SORL1: variants seen among roughly 807,000 people sequenced by gnomAD.
The protein encoded by SORL1 is sortilin related receptor 1.
Under a neutral mutation model 273.7 loss-of-function variants are expected in SORL1, and 127 were observed. The observed-to-expected ratio is 0.46, with a 90% CI of 0.40 to 0.54. The LOEUF (loss-of-function observed/expected upper bound fraction) is 0.54, where lower values mean the gene tolerates loss of function less well. Among genes scored for constraint, SORL1 ranks in the 20% least tolerant of loss-of-function variants. The pLI is 0.00. For missense variants in SORL1, 2,494 were observed against 2,846.1 expected (o/e 0.88, Z 2.81); for synonymous variants, 1,031 against 1,067.4 (o/e 0.97, Z 0.66).
At chr11:121,509,008 A>G (rs966393269) in intron 6 of SORL1, among the ~76,000 whole-genome samples, 3 of 152,164 alleles carry the variant, frequency 2.0e-5, no homozygotes, top group Non-Finnish European at 4.4e-5. Flanking sequence ...ACCAACTTCA[A>G]TATTACTTAC....
chr11:121,550,778 C>T lies in SORL1; in HGVS notation c.2266+108C>T. The stretch of plus-strand genomic sequence containing the variant: ...GCTCCTTTAATTGAGTGGAGAAAAA[C>T]AATGGCCGTCACAAGCATCACAGGG... On this transcript the variant is annotated intron_variant, in intron 16 of 47. Coordinates refer to ENST00000260197, the MANE Select transcript of SORL1 (RefSeq NM_003105.6). The surrounding 1 kb of genome is among the most constrained non-coding windows in gnomAD (Gnocchi z 5.3). 1.3e-6 allele frequency: 1 copy of T among 793,958 alleles called. No homozygotes were observed. The highest frequency in any genetic ancestry group is 2.0e-6 in the Non-Finnish European group (1 of 498,210). 49.2% of individuals were successfully genotyped at this position (793,958 alleles called of 1,614,324 possible). A position where few individuals can be genotyped will look rare whatever the true frequency, so the allele number is the denominator to read the frequency against.
chr11:121,522,838 C>A (rs773232170), intron 10 of SORL1, 78 bp from the exon 11 acceptor site: 51 of 1,400,840 alleles, frequency 3.6e-5, no homozygotes, highest in Non-Finnish European at 4.5e-5. Flanking sequence ...CTAGATACTA[C>A]GCAGAATTTC....
intron 40 of SORL1, among the ~76,000 whole-genome samples, chr11:121,613,123 T>A (rs1232411298): frequency 2.0e-5 from 3 of 152,210 alleles, no homozygotes; most frequent in African/African-American, 4.8e-5. Flanking sequence ...TCTCTGCAGA[T>A]GAGTTTTGAT....
rs1189973567 is a variant in SORL1 at position 121,607,303 on chromosome 11, A to T, written c.5166+13A>T. ...ATACACCGTCAGAGTGAGTGTCGTC[A>T]TCCATTCCAGCCATCCATGCAGTCT... On this transcript the variant is annotated intron_variant, in intron 37 of 47. Transcript: ENST00000260197. 2 of 1,442,702 alleles carry T rather than the reference A, an allele frequency of 1.4e-6. No individual in the cohort carries two copies. The highest frequency in any genetic ancestry group is 1.1e-5 in the South Asian group (1 of 87,388). The allele number at this position is 1,442,702 out of a possible 1,614,324, so 89.4% of individuals were successfully genotyped here.
chr11:121,541,196 G>A (rs1862342598), intron 12 of SORL1, among the ~76,000 whole-genome samples: 1 of 142,622 alleles, frequency 7.0e-6, no homozygotes, highest in African/African-American at 2.5e-5. Flanking sequence ...CCTTTTTGTA[G>A]CAGTATCTTT....
Position 121,545,261 on chromosome 11 carries a change from A to G in SORL1, c.1883A>G (p.Asn628Ser). Residue 628 changes from asparagine to serine, a missense_variant, in exon 14 of 48, where the codon AAT (asparagine) becomes AGT (serine). Physicochemically the swap from Asn to Ser is conservative, Grantham distance 46 (BLOSUM62 1). This residue lies in a region of SORL1 where 710 missense variants were observed against 882.5 expected (regional missense o/e 0.80). Coordinates refer to ENST00000260197, the MANE Select transcript of SORL1 (RefSeq NM_003105.6). ...TDALGVPCTE[N>S]DYKLWSPSDE... ...TCTTTAGGAGTTCCCTGCACAGAGA[A>G]TGACTACAAGCTGTGGTCACCATCT... 6.2e-7 allele frequency: 1 copy of G among 1,614,152 alleles called. No homozygotes were observed. The highest frequency in any genetic ancestry group is 1.3e-5 in the African/African-American group (1 of 75,046).
intron 23 of SORL1, 127 bp downstream of exon 23, chr11:121,570,397 T>C: frequency 1.6e-6 from 1 of 610,422 alleles, no homozygotes; most frequent in Admixed American, 2.7e-5. Context: ...TCTAAGTTGA[T>C]GGGGCTTAGA....
chr11:121,612,462 G>T, intron 39 of SORL1: 2 of 276,814 alleles, frequency 7.2e-6, no homozygotes, highest in Non-Finnish European at 7.0e-6. Flanking sequence ...ATTGGTTCTC[G>T]TCCTTTTATT....
chr11:121,520,568 G>T, intron 8 of SORL1, 89 bp from the exon 9 acceptor site: 1 of 879,270 alleles, frequency 1.1e-6, no homozygotes, highest in Non-Finnish European at 1.7e-6. Flanking sequence ...CCACAAAATT[G>T]TATACTTTTA....
rs200703961 is a variant in SORL1, at chr11:121,571,330, T to C, written c.3337+1060T>C. On this transcript the variant is annotated intron_variant, in intron 23 of 47. Coordinates refer to ENST00000260197, the MANE Select transcript of SORL1 (RefSeq NM_003105.6). Reference sequence around the variant, plus strand: ...GGAAACTGGTTTGAGTTATGGAGAATGGGCATGGGCACAGGGGCCAAGGTG... The same window carrying C: ...GGAAACTGGTTTGAGTTATGGAGAACGGGCATGGGCACAGGGGCCAAGGTG... 1.9e-4 allele frequency among the ~76,000 whole-genome samples: 29 copies of C among 152,272 alleles called. No individual in the cohort carries two copies. The East Asian group carries it at 5.2e-3, about 27-fold the overall frequency.
At chr11:121,463,219 A>C (rs1861029599) in intron 1 of SORL1, among the ~76,000 whole-genome samples, 1 of 151,990 alleles carries the variant, frequency 6.6e-6, no homozygotes, top group Non-Finnish European at 1.5e-5. Context: ...CATTTCATTT[A>C]ATTGTTCTCT....
intron 41 of SORL1, among the ~76,000 whole-genome samples, chr11:121,616,071 G>A (rs1193356960): frequency 6.6e-6 from 1 of 152,110 alleles, no homozygotes; most frequent in Non-Finnish European, 1.5e-5. Context: ...ACCTATCCCC[G>A]GAGCTCTCTT....
intron 16 of SORL1, among the ~76,000 whole-genome samples, chr11:121,552,236 TA>T (rs1337557134): frequency 6.6e-6 from 1 of 152,184 alleles, no homozygotes; most frequent in Non-Finnish European, 1.5e-5. Context: ...AAAGATGAGG[TA>T]ATCTGGGCAT....
chr11:121,538,650 A>AT (rs941728337), intron 12 of SORL1, among the ~76,000 whole-genome samples: 30 of 150,442 alleles, frequency 2.0e-4, no homozygotes, highest in East Asian at 1.8e-3. Flanking sequence ...ATTTTTGCTT[A>AT]TTTTTTTTTG....
At chr11:121,561,764 G>A (rs1332383503) in intron 21 of SORL1, among the ~76,000 whole-genome samples, 3 of 151,446 alleles carry the variant, frequency 2.0e-5, no homozygotes, top group African/African-American at 4.9e-5. Flanking sequence ...GTGCATGGGC[G>A]GCTGTGACTG....
At position 121,614,967 on chromosome 11, in the gene SORL1, G is replaced by C. The variant is rs935552604; in HGVS notation, c.5516G>C (p.Arg1839Thr). The C allele has an allele frequency of 6.2e-7, 1 of 1,613,752 alleles. No homozygotes were observed. The highest frequency in any genetic ancestry group is 8.5e-7 in the Non-Finnish European group (1 of 1,179,934). ...CTGGCATTTGAGCATGTTATGACCA[G>C]AGGGGTTCGCCCACCTGCACCTAGC... ...SPLAFEHVMT[R>T]GVRPPAPSLK... The change falls in exon 41 of 48, where the codon AGA becomes ACA. Residue 1839 changes from arginine to threonine, a missense_variant. Physicochemically the swap from Arg to Thr is moderately conservative, Grantham distance 71 (BLOSUM62 -1). Coordinates refer to ENST00000260197, the MANE Select transcript of SORL1 (RefSeq NM_003105.6).
intron 38 of SORL1, chr11:121,608,394 T>A: frequency 1.9e-6 from 1 of 534,698 alleles, no homozygotes; most frequent in Non-Finnish European, 3.3e-6. Flanking sequence ...ATTGAGCATT[T>A]CTTCTAATGC....
intron 5 of SORL1, 38 bp from the exon 6 acceptor site, chr11:121,496,831 G>A: frequency 6.4e-7 from 1 of 1,563,864 alleles, no homozygotes; most frequent in Non-Finnish European, 8.7e-7. Flanking sequence ...GTAATTAAAT[G>A]TGCAAATGAT....
chr11:121,557,423 A>G lies in SORL1; in HGVS notation c.2663+18A>G, dbSNP rs764708694. 4.4e-6 allele frequency: 7 copies of G among 1,574,862 alleles called. No individual in the cohort carries two copies. The Admixed American group carries it at 1.2e-4, about 26-fold the overall frequency. ...CAAGAGGGGTAAGTGTTGCCCCAAA[A>G]GGAAATCAGTCTTGCGTCCAATGCT... On this transcript the variant is annotated intron_variant, in intron 19 of 47. Coordinates refer to ENST00000260197, the MANE Select transcript of SORL1 (RefSeq NM_003105.6).
Sources: gnomAD v4.1 joint callset for allele counts (sites outside exome capture counted in the v4.1 genomes callset) on GRCh38, gnomAD v4.1.1 for gene constraint, gnomAD v4.1.1 regional missense constraint, Gnocchi (gnomAD v3.1) non-coding constraint, MANE v1.5 for transcripts, NCBI Gene and HGNC (gene_info 2026-07-23, HGNC 2026-07-21) for gene names.